Variants in SLC25A25 observed in about 807,000 individuals in gnomAD.
SLC25A25 encodes solute carrier family 25 member 25.
SLC25A25 carries 32 observed loss-of-function variants against 57.7 expected under a neutral mutation model. That is an observed-to-expected ratio of 0.55 (90% CI 0.42 to 0.74). The LOEUF (loss-of-function observed/expected upper bound fraction) is 0.74. Ranked by LOEUF, SLC25A25 falls within the 30% of genes least tolerant of loss-of-function variation. SLC25A25 has a pLI of 0.00. For synonymous variants in SLC25A25, 306 were observed against 291.2 expected, an observed-to-expected ratio of 1.05 and a Z score of -0.52; for missense variants, 556 against 701.3, an observed-to-expected ratio of 0.79 and a Z score of 2.34.
chr9:128,103,590 C>T lies in SLC25A25; in HGVS notation c.625-91C>T. 2 of 1,549,356 alleles carry T rather than the reference C, an allele frequency of 1.3e-6. No homozygotes were observed. The highest frequency in any genetic ancestry group is 1.8e-6 in the Non-Finnish European group (2 of 1,127,116). On this transcript the variant is annotated intron_variant, in intron 5 of 10. Transcript: ENST00000373069. The surrounding 1 kb of genome is among the most constrained non-coding windows in gnomAD (Gnocchi z 6.7). ...CTTCTCCCTGTCCTGTGGTCCCTGG[C>T]CTGGAGCCGTGCTAGAGGGTAGACG... is the stretch of plus-strand genomic sequence containing the variant.
chr9:128,098,669 A>G (rs1423547391), intron 1 of SLC25A25: 1 of 1,614,048 alleles, frequency 6.2e-7, no homozygotes, highest in Admixed American at 1.7e-5. Flanking sequence ...GTCCATTTTC[A>G]AGCTCAGTGT....
intron 1 of SLC25A25, chr9:128,098,485 A>T (rs1240306993): frequency 6.5e-7 from 1 of 1,538,296 alleles, no homozygotes; most frequent in Non-Finnish European, 8.8e-7. Flanking sequence ...GGCTTGTCTT[A>T]TGCAAGTTTC....
intron 1 of SLC25A25, among the ~76,000 whole-genome samples, chr9:128,071,178 C>A (rs1832900869): frequency 6.6e-6 from 1 of 152,092 alleles, no homozygotes; most frequent in South Asian, 2.1e-4. Flanking sequence ...TGATCCTAAT[C>A]TGTTTTTTTA....
rs192370068 is a variant in SLC25A25 at position 128,071,347 on chromosome 9, A to G, written c.261+2767A>G. On this transcript the variant is annotated intron_variant, in intron 1 of 10. Coordinates refer to ENST00000373069, the MANE Select transcript of SLC25A25 (RefSeq NM_001330988.2). ...AGATCTAAGTTCTATGATAGGAAGC[A>G]TTTCTTTATTCTTTTGGTGTGTGGG... 6.7e-4 allele frequency among the ~76,000 whole-genome samples: 102 copies of G among 152,194 alleles called. 1 individual carries two copies. Among genetic ancestry groups the G allele is most frequent in the African/African-American group, 2.4e-3 (98 of 41,536 alleles).
chr9:128,105,761 C>T lies in SLC25A25; in HGVS notation c.816C>T (p.Ile272=), dbSNP rs375402805. The change falls in exon 7 of 11, where the codon ATC becomes ATT. Residue 272 remains isoleucine (I), a synonymous_variant. Coordinates refer to ENST00000373069, the MANE Select transcript of SLC25A25 (RefSeq NM_001330988.2). The part of the protein sequence containing the change: ...VHASRSNNMG[I]VGGFTQMIRE... The stretch of plus-strand genomic sequence containing the variant: ...CCTCCCGCAGCAACAACATGGGCAT[C>T]GTTGGTGGCTTCACTCAGATGATTC... 5 of 1,613,696 alleles carry T rather than the reference C, an allele frequency of 3.1e-6. No individual in the cohort carries two copies. The highest frequency in any genetic ancestry group is 2.7e-5 in the African/African-American group (2 of 74,934).
At chr9:128,076,684 G>C (rs1833022804) in intron 1 of SLC25A25, among the ~76,000 whole-genome samples, 1 of 151,610 alleles carries the variant, frequency 6.6e-6, no homozygotes, top group Non-Finnish European at 1.5e-5. Context: ...TAGCCAGGAT[G>C]GTCTCGATCT....
chr9:128,079,036 A>G (rs749340657), intron 1 of SLC25A25, among the ~76,000 whole-genome samples: 21 of 152,196 alleles, frequency 1.4e-4, no homozygotes, highest in Non-Finnish European at 2.5e-4. Flanking sequence ...AAAAGACTCA[A>G]CACCACACCT....
Position 128,103,858 on chromosome 9 carries a change from C to T in SLC25A25, c.783+19C>T, listed in dbSNP as rs1833907771. 6.5e-7 allele frequency: 1 copy of T among 1,529,326 alleles called. No homozygotes were observed. The highest frequency in any genetic ancestry group is 2.1e-5 in the Admixed American group (1 of 48,654). 94.7% of individuals were successfully genotyped at this position (1,529,326 alleles called of 1,614,324 possible). A position where few individuals can be genotyped will look rare whatever the true frequency, so the allele number is the denominator to read the frequency against. Reference sequence around the variant, plus strand: ...CATGCAGGTATGTAGGGAAAAGGCCCCAGACCCCTGGGGGGCCAGTTTCCA... The same window carrying T: ...CATGCAGGTATGTAGGGAAAAGGCCTCAGACCCCTGGGGGGCCAGTTTCCA... On this transcript the variant is annotated intron_variant, in intron 6 of 10. Transcript: ENST00000373069. This position sits in a 1 kb window ranked among gnomAD's most constrained non-coding sequence, Gnocchi z 6.7.
intron 1 of SLC25A25, chr9:128,098,862 C>T (rs1440247074): frequency 9.4e-6 from 14 of 1,489,392 alleles, no homozygotes; most frequent in Admixed American, 2.3e-5. Flanking sequence ...CATTGCCATG[C>T]GGCTATGGCC....
At chr9:128,097,139 C>T (rs910092091) in intron 1 of SLC25A25, among the ~76,000 whole-genome samples, 1 of 152,148 alleles carries the variant, frequency 6.6e-6, no homozygotes, top group Non-Finnish European at 1.5e-5. Flanking sequence ...TTATCCATCC[C>T]GGTAGTGGGA....
At chr9:128,074,671 C>T (rs1214831062) in intron 1 of SLC25A25, among the ~76,000 whole-genome samples, 1 of 152,010 alleles carries the variant, frequency 6.6e-6, no homozygotes, top group African/African-American at 2.4e-5. Flanking sequence ...ATCGTGCCAA[C>T]ACGGGCCTGG....
chr9:128,101,379 A>G lies in SLC25A25; in HGVS notation c.459A>G (p.Ala153=). 6.2e-7 allele frequency: 1 copy of G among 1,614,250 alleles called. No homozygotes were observed. ...DLGVKISEQQ[A]EKILKRIRTG... ...GAGTCAAGATATCTGAACAGCAGGC[A>G]GAAAAAATTCTCAAGAGGTGAGTGC... is the stretch of plus-strand genomic sequence containing the variant. The change falls in exon 3 of 11, where the codon GCA becomes GCG. Residue 153 remains alanine (A), a synonymous_variant. Coordinates refer to ENST00000373069, the MANE Select transcript of SLC25A25 (RefSeq NM_001330988.2). The surrounding 1 kb of genome is among the most constrained non-coding windows in gnomAD (Gnocchi z 4.9).
Position 128,100,313 on chromosome 9 carries a change from C to T in SLC25A25, c.262-783C>T, listed in dbSNP as rs1267623779. 2.0e-5 allele frequency among the ~76,000 whole-genome samples: 3 copies of T among 151,964 alleles called. No homozygotes were observed. In the East Asian group the frequency reaches 5.8e-4, roughly 29 times the overall value. ...CCCAGTTGCCAACCATTAACAGCTGCTGAACAAAGCCCACCTCCTGGGAGG... is the reference window on the plus strand; with the variant it reads ...CCCAGTTGCCAACCATTAACAGCTGTTGAACAAAGCCCACCTCCTGGGAGG... On this transcript the variant is annotated intron_variant, in intron 1 of 10. Transcript: ENST00000373069.
chr9:128,068,856 G>A (rs1832839851), intron 1 of SLC25A25, among the ~76,000 whole-genome samples: 1 of 152,222 alleles, frequency 6.6e-6, no homozygotes, highest in Admixed American at 6.5e-5. Context: ...AGAGTAGAAG[G>A]CCAGGTCTCA....
At chr9:128,072,796 C>T (rs1832935770) in intron 1 of SLC25A25, among the ~76,000 whole-genome samples, 1 of 152,160 alleles carries the variant, frequency 6.6e-6, no homozygotes, top group Admixed American at 6.5e-5. Flanking sequence ...TTATAGATTG[C>T]CTATTTAAGG....
intron 1 of SLC25A25, among the ~76,000 whole-genome samples, chr9:128,082,688 C>T (rs1833180177): frequency 6.6e-6 from 1 of 152,166 alleles, no homozygotes; most frequent in Non-Finnish European, 1.5e-5. Flanking sequence ...GCTCTTTGCC[C>T]AGGCTAGAGT....
At chr9:128,105,210 G>A (rs1464710725) in intron 6 of SLC25A25, among the ~76,000 whole-genome samples, 9 of 113,960 alleles carry the variant, frequency 7.9e-5, no homozygotes, top group South Asian at 3.2e-4. Flanking sequence ...TCGCTCTGTC[G>A]CCCAGGCTGG....
intron 1 of SLC25A25, chr9:128,098,660 T>C: frequency 6.2e-7 from 1 of 1,614,064 alleles, no homozygotes; most frequent in Non-Finnish European, 8.5e-7. Flanking sequence ...CGAGCTGAAG[T>C]CCATTTTCAA....
chr9:128,094,454 G>A (rs1182589683), intron 1 of SLC25A25: 1 of 152,230 alleles, frequency 6.6e-6, no homozygotes, highest in Non-Finnish European at 1.5e-5. Flanking sequence ...TAACTGCCAA[G>A]TGTAGGCAGG....
Sources: allele counts gnomAD v4.1 joint callset (sites outside exome capture counted in the v4.1 genomes callset), GRCh38; gene constraint gnomAD v4.1.1; non-coding constraint Gnocchi (gnomAD v3.1); transcripts MANE v1.5; gene names NCBI Gene and HGNC (gene_info 2026-07-23, HGNC 2026-07-21).